NELL1: variants seen among roughly 807,000 people sequenced by gnomAD.
The protein encoded by NELL1 is protein kinase C-binding protein NELL1.
A neutral mutation model predicts 107.4 loss-of-function variants in NELL1; 76 were observed. The ratio of observed to expected loss-of-function variants is 0.71; its 90% CI spans 0.59 to 0.86. NELL1 has a LOEUF of 0.86. Ranked by LOEUF, NELL1 falls within the 40% of genes least tolerant of loss-of-function variation. NELL1 has a pLI of 0.00. For missense variants in NELL1, 1,024 were observed against 1,005.5 expected (o/e 1.02, Z -0.25); for synonymous variants, 353 against 341.2 (o/e 1.03, Z -0.38).
At chr11:20,886,418 A>G (rs1244766821) in intron 5 of NELL1, among the ~76,000 whole-genome samples, 2 of 152,084 alleles carry the variant, frequency 1.3e-5, no homozygotes, top group South Asian at 4.1e-4. Flanking sequence ...GATATTCTAA[A>G]AATCCTTCTG....
intron 2 of NELL1, among the ~76,000 whole-genome samples, chr11:20,716,418 A>AT (rs767058341): frequency 2.0e-5 from 3 of 152,182 alleles, no homozygotes; most frequent in Non-Finnish European, 4.4e-5. Context: ...ACATCTTCAC[A>AT]TTTTTTCATA....
chr11:21,458,577 G>A (rs1853810259), intron 15 of NELL1, among the ~76,000 whole-genome samples: 1 of 152,096 alleles, frequency 6.6e-6, no homozygotes, highest in South Asian at 2.1e-4. Flanking sequence ...TGGAGAAAAT[G>A]TTCTTGTAAT....
At chr11:21,545,317 TG>T (rs1856414017) in intron 16 of NELL1, among the ~76,000 whole-genome samples, 1 of 151,868 alleles carries the variant, frequency 6.6e-6, no homozygotes, top group African/African-American at 2.4e-5. Context: ...CAGAAGCCTT[TG>T]GGGATAAAAA....
At chr11:20,687,044 T>C (rs1792999) in intron 2 of NELL1, among the ~76,000 whole-genome samples, 155 of 80,328 alleles carry the variant, frequency 1.9e-3, no homozygotes, top group African/African-American at 3.6e-3. Context: ...TCTCTCTCTC[T>C]CTTTTTTTTT....
At chr11:21,011,445 A>G (rs968612296) in intron 12 of NELL1, among the ~76,000 whole-genome samples, 3 of 152,192 alleles carry the variant, frequency 2.0e-5, no homozygotes, top group African/African-American at 7.2e-5. Flanking sequence ...GACAAAGATC[A>G]GTAACAAATA....
At chr11:21,287,599 G>T (rs1266649055) in intron 14 of NELL1, among the ~76,000 whole-genome samples, 1 of 151,984 alleles carries the variant, frequency 6.6e-6, no homozygotes, top group Non-Finnish European at 1.5e-5. Flanking sequence ...AGAATTTATT[G>T]TTAAAGGACC....
chr11:21,376,821 T>C (rs1251541041), intron 15 of NELL1, among the ~76,000 whole-genome samples: 1 of 152,034 alleles, frequency 6.6e-6, no homozygotes, highest in Non-Finnish European at 1.5e-5. Context: ...GTAAATGGAA[T>C]TGTGTTCTTG....
chr11:21,264,572 C>T (rs77118476), intron 14 of NELL1, among the ~76,000 whole-genome samples: 2,401 of 151,980 alleles, frequency 0.016, 74 homozygotes, highest in African/African-American at 0.055. Context: ...CTGAAAGCCC[C>T]CACTAATTTC....
At chr11:21,203,430 CTTT>C (rs35689054) in intron 13 of NELL1, among the ~76,000 whole-genome samples, 1,175 of 101,286 alleles carry the variant, frequency 0.012, 6 homozygotes, top group Middle Eastern at 0.019. Context: ...GCAACCCTTG[CTTT>C]TTTTTTTTTT....
chr11:21,359,232 A>T (rs1016272096), intron 14 of NELL1, among the ~76,000 whole-genome samples: 5 of 152,134 alleles, frequency 3.3e-5, no homozygotes, highest in Non-Finnish European at 7.4e-5. Flanking sequence ...ATCTATTGAG[A>T]TGATCCTATG....
chr11:21,166,952 C>T (rs1031996634), intron 13 of NELL1, among the ~76,000 whole-genome samples: 6 of 151,868 alleles, frequency 4.0e-5, no homozygotes, highest in East Asian at 1.9e-4. Context: ...TTTCTTTGTT[C>T]GTAGGATAAA....
intron 15 of NELL1, among the ~76,000 whole-genome samples, chr11:21,408,074 A>G (rs1472581803): frequency 6.6e-6 from 1 of 151,866 alleles, no homozygotes; most frequent in African/African-American, 2.4e-5. Flanking sequence ...TGGTGTGTAT[A>G]TGATTATTGT....
chr11:21,287,066 A>G (rs543330991), intron 14 of NELL1, among the ~76,000 whole-genome samples: 49 of 152,360 alleles, frequency 3.2e-4, no homozygotes, highest in Non-Finnish European at 1.5e-4. Context: ...CACAGAATAT[A>G]CCATTCTAAA....
chr11:21,152,261 T>C (rs1264868942), intron 13 of NELL1, among the ~76,000 whole-genome samples: 1 of 152,170 alleles, frequency 6.6e-6, no homozygotes, highest in Non-Finnish European at 1.5e-5. Flanking sequence ...AGTGTGTACT[T>C]TTAATCTATT....
At chr11:21,320,130 G>A (rs1363853533) in intron 14 of NELL1, among the ~76,000 whole-genome samples, 1 of 152,062 alleles carries the variant, frequency 6.6e-6, no homozygotes, top group Non-Finnish European at 1.5e-5. Context: ...ATGTTTCAGT[G>A]GGATGGTTCA....
intron 15 of NELL1, among the ~76,000 whole-genome samples, chr11:21,463,155 A>G (rs931559410): frequency 2.6e-5 from 4 of 151,932 alleles, no homozygotes; most frequent in Non-Finnish European, 5.9e-5. Flanking sequence ...CAGTGGTGAG[A>G]CTAGATTAGC....
At chr11:21,560,144 G>C in intron 16 of NELL1, 45 bp from the exon 17 acceptor site, 2 of 1,574,546 alleles carry the variant, frequency 1.3e-6, no homozygotes, top group Non-Finnish European at 8.7e-7. Flanking sequence ...TGTTCTCTAA[G>C]TTCCCTTGGC....
At chr11:21,199,267 G>A (rs1239981761) in intron 13 of NELL1, among the ~76,000 whole-genome samples, 15 of 152,104 alleles carry the variant, frequency 9.9e-5, no homozygotes, top group Admixed American at 9.8e-4. Context: ...CAACTCTGTA[G>A]GTAGACTCTG....
At chr11:21,026,994 T>C (rs1440666974) in intron 12 of NELL1, among the ~76,000 whole-genome samples, 2 of 152,062 alleles carry the variant, frequency 1.3e-5, no homozygotes, top group Admixed American at 1.3e-4. Flanking sequence ...GGCTATGACA[T>C]GGCATTTCCC....
Sources: allele counts gnomAD v4.1 joint callset (sites outside exome capture counted in the v4.1 genomes callset), GRCh38; gene constraint gnomAD v4.1.1; transcripts MANE v1.5; gene names NCBI Gene and HGNC (gene_info 2026-07-23, HGNC 2026-07-21).